Variants in MARCHF4 observed in about 807,000 individuals in gnomAD.
MARCHF4 encodes the protein membrane associated ring-CH-type finger 4.
Under a neutral mutation model 43.9 loss-of-function variants are expected in MARCHF4, and 14 were observed. The ratio of observed to expected loss-of-function variants is 0.32; its 90% CI spans 0.21 to 0.50. MARCHF4 has a LOEUF of 0.50. MARCHF4 is among the 20% of genes least tolerant of loss of function. MARCHF4 has a pLI of 0.98. For missense variants in MARCHF4, 468 were observed against 536.7 expected (o/e 0.87, Z 1.27); for synonymous variants, 226 against 213.3 (o/e 1.06, Z -0.52).
chr2:216,321,714 T>C (rs1296649543), intron 1 of MARCHF4: 4 of 152,332 alleles, frequency 2.6e-5, no homozygotes, highest in Admixed American at 2.6e-4. Context: ...TGGTGACTGG[T>C]GATACAAAAT....
rs1194045915 is a variant in MARCHF4 at position 216,300,364 on chromosome 2, A to G, written c.517-16635T>C. ...TATATATATATGTATATATATATAT[A>G]TATATGACTTACTCTGTCATCCAGG... On this transcript the variant is annotated intron_variant, in intron 1 of 3. Coordinates refer to ENST00000273067, the MANE Select transcript of MARCHF4 (RefSeq NM_020814.3). Among the ~76,000 whole-genome samples the G allele has an allele frequency of 4.0e-5, 6 of 149,424 alleles. No homozygotes were observed. In the East Asian group the frequency reaches 9.8e-4, roughly 24 times the overall value.
Position 216,369,959 on chromosome 2 carries a change from G to A in MARCHF4, c.302C>T (p.Pro101Leu). ...RGPREVVGRE[P>L]PPVPPPPPLP... The stretch of plus-strand genomic sequence containing the variant: ...GGGGGGTGGAGGTGGCACAGGAGGG[G>A]GCTCCCTGCCCACCACTTCTCGGGG... The change falls in exon 1 of 4, where the codon CCC becomes CTC. Residue 101 changes from proline (P) to leucine (L), a missense_variant. Physicochemically the swap from Pro to Leu is moderately conservative, Grantham distance 98. This residue lies in a region of MARCHF4 where 190 missense variants were observed against 158.5 expected (regional missense o/e 1.20). Transcript: ENST00000273067. The A allele has an allele frequency of 6.3e-7, 1 of 1,578,844 alleles. No individual in the cohort carries two copies. Among genetic ancestry groups the A allele is most frequent in the Non-Finnish European group, 8.6e-7 (1 of 1,160,474 alleles).
intron 1 of MARCHF4, among the ~76,000 whole-genome samples, chr2:216,301,362 T>C (rs2105949699): frequency 6.6e-6 from 1 of 152,330 alleles, no homozygotes; most frequent in East Asian, 1.9e-4. Flanking sequence ...ACGGAGCCTG[T>C]GAATCTTCTC....
At chr2:216,298,256 GTTTTTTTTTTTT>G (rs559410456) in intron 1 of MARCHF4, among the ~76,000 whole-genome samples, 4 of 66,764 alleles carry the variant, frequency 6.0e-5, no homozygotes, top group Admixed American at 4.5e-4. Context: ...AGTCTTTTAG[GTTTTTTTTTTTT>G]TTTTTTTTTT....
intron 1 of MARCHF4, among the ~76,000 whole-genome samples, chr2:216,341,389 C>G (rs1358183507): frequency 6.6e-6 from 1 of 152,216 alleles, no homozygotes; most frequent in African/African-American, 2.4e-5. Flanking sequence ...GGGCTTGAGC[C>G]TGAGCCAAGG....
At chr2:216,351,858 T>C (rs967485317) in intron 1 of MARCHF4, among the ~76,000 whole-genome samples, 4 of 152,210 alleles carry the variant, frequency 2.6e-5, no homozygotes, top group Non-Finnish European at 5.9e-5. Context: ...TAGGTGGTAA[T>C]AATGCTGATG....
chr2:216,335,630 T>C (rs1692145184), intron 1 of MARCHF4, among the ~76,000 whole-genome samples: 1 of 151,902 alleles, frequency 6.6e-6, no homozygotes, highest in African/African-American at 2.4e-5. Flanking sequence ...GCAGAAGAGT[T>C]GACAAAAAAG....
intron 1 of MARCHF4, among the ~76,000 whole-genome samples, chr2:216,309,202 C>T (rs1001547355): frequency 2.0e-5 from 3 of 152,176 alleles, no homozygotes; most frequent in Non-Finnish European, 4.4e-5. Context: ...AATTAATCCT[C>T]ACAGTGTGTC....
At chr2:216,367,418 C>T (rs1385934598) in intron 1 of MARCHF4, among the ~76,000 whole-genome samples, 1 of 150,454 alleles carries the variant, frequency 6.6e-6, no homozygotes, top group Non-Finnish European at 1.5e-5. Context: ...CCCTTATCTC[C>T]CCTCCTTTGT....
intron 1 of MARCHF4, among the ~76,000 whole-genome samples, chr2:216,345,588 T>C (rs1216200843): frequency 2.0e-5 from 3 of 152,156 alleles, no homozygotes; most frequent in Non-Finnish European, 4.4e-5. Context: ...GTCCCACCCC[T>C]AGGGATTGAC....
At position 216,307,873 on chromosome 2, in the gene MARCHF4, C is replaced by T. The variant is rs565004683; in HGVS notation, c.517-24144G>A. Among the ~76,000 whole-genome samples, 5 of 151,938 alleles carry T rather than the reference C, an allele frequency of 3.3e-5. No individual in the cohort carries two copies. In the East Asian group the frequency reaches 9.7e-4, roughly 30 times the overall value. ...TAGCCTGGGCAACATGGCAAGACCC[C>T]TATCTCTACAGAAAAATTTAAAATT... is the stretch of plus-strand genomic sequence containing the variant. On this transcript the variant is annotated intron_variant, in intron 1 of 3. Coordinates refer to ENST00000273067, the MANE Select transcript of MARCHF4 (RefSeq NM_020814.3).
At chr2:216,345,481 A>G (rs201706767) in intron 1 of MARCHF4, among the ~76,000 whole-genome samples, 1 of 152,038 alleles carries the variant, frequency 6.6e-6, no homozygotes, top group Non-Finnish European at 1.5e-5. Context: ...AGCCTTTATC[A>G]TCAAGCTATA....
At chr2:216,268,750 A>G (rs1226191062) in intron 3 of MARCHF4, among the ~76,000 whole-genome samples, 5 of 152,202 alleles carry the variant, frequency 3.3e-5, no homozygotes, top group African/African-American at 1.2e-4. Context: ...GGCTGCCTCC[A>G]ACAAATGTTC....
At chr2:216,349,608 A>G (rs903935618) in intron 1 of MARCHF4, among the ~76,000 whole-genome samples, 4 of 152,160 alleles carry the variant, frequency 2.6e-5, no homozygotes, top group Non-Finnish European at 4.4e-5. Context: ...GTGACAGGCT[A>G]GGGCTTGGAG....
intron 1 of MARCHF4, among the ~76,000 whole-genome samples, chr2:216,304,433 C>A (rs887867123): frequency 6.6e-6 from 1 of 152,138 alleles, no homozygotes; most frequent in African/African-American, 2.4e-5. Context: ...AAACTGACAC[C>A]TAGATCCCTC....
chr2:216,322,387 C>A (rs1371345539), intron 1 of MARCHF4, among the ~76,000 whole-genome samples: 1 of 152,218 alleles, frequency 6.6e-6, no homozygotes, highest in Admixed American at 6.5e-5. Flanking sequence ...TGGTTTATAG[C>A]AAATGTTGTT....
chr2:216,265,842 A>G (rs1690837545), intron 3 of MARCHF4: 1 of 152,164 alleles, frequency 6.6e-6, no homozygotes, highest in Non-Finnish European at 1.5e-5. Flanking sequence ...GCTTGTTAAG[A>G]CAGATTCCCA....
At position 216,370,638 on chromosome 2, in the gene MARCHF4, C is replaced by A. The variant is rs529614351; in HGVS notation, c.-378G>T. 339 of 178,922 alleles carry A rather than the reference C, an allele frequency of 1.9e-3. 2 individuals carry two copies. The highest frequency in any genetic ancestry group is 0.011 in the Middle Eastern group (5 of 442). 11.1% of individuals were successfully genotyped at this position (178,922 alleles called of 1,614,324 possible). On this transcript the variant is annotated 5_prime_UTR_variant, in exon 1 of 4. Coordinates refer to ENST00000273067, the MANE Select transcript of MARCHF4 (RefSeq NM_020814.3). ...TCTGTCGAATTGTTTAAATCAATGT[C>A]GAATTGTTTAAAAGTTCCCCAGGAA...
chr2:216,320,749 C>T (rs959418509), intron 1 of MARCHF4, among the ~76,000 whole-genome samples: 2 of 149,604 alleles, frequency 1.3e-5, no homozygotes, highest in Non-Finnish European at 3.0e-5. Flanking sequence ...CGGCTCACTG[C>T]AACCTCTGCC....
Sources: allele counts gnomAD v4.1 joint callset (sites outside exome capture counted in the v4.1 genomes callset), GRCh38; gene constraint gnomAD v4.1.1; regional missense constraint gnomAD v4.1.1; transcripts MANE v1.5; gene names NCBI Gene and HGNC (gene_info 2026-07-23, HGNC 2026-07-21).